CNTN1: variants seen among roughly 807,000 people sequenced by gnomAD.
CNTN1 encodes the protein contactin-1.
A neutral mutation model predicts 126.4 loss-of-function variants in CNTN1; 38 were observed. The observed-to-expected ratio is 0.30, with a 90% CI of 0.23 to 0.39. The LOEUF is 0.39. Ranked by LOEUF, CNTN1 falls within the 10% of genes least tolerant of loss-of-function variation. CNTN1 has a pLI of 1.00. For synonymous variants in CNTN1, 413 were observed against 422.6 expected (o/e 0.98, Z 0.28); for missense variants, 1,009 against 1,248.4 (o/e 0.81, Z 2.89).
intron 1 of CNTN1, among the ~76,000 whole-genome samples, chr12:40,879,000 T>G (rs1170170374): frequency 6.6e-6 from 1 of 152,110 alleles, no homozygotes; most frequent in Non-Finnish European, 1.5e-5. Context: ...AATTATAATA[T>G]TACAAAAATA....
intron 3 of CNTN1, among the ~76,000 whole-genome samples, chr12:40,912,566 T>C (rs952527552): frequency 6.6e-6 from 1 of 152,068 alleles, no homozygotes. Flanking sequence ...GGATATGAAA[T>C]AATATATAAT....
chr12:41,055,149 T>C (rs1364317261), intron 23 of CNTN1, among the ~76,000 whole-genome samples: 3 of 152,140 alleles, frequency 2.0e-5, no homozygotes, highest in African/African-American at 7.2e-5. Flanking sequence ...AATTATTTTT[T>C]TTATTATCTT....
chr12:40,886,221 AG>A (rs1944025098), intron 1 of CNTN1, among the ~76,000 whole-genome samples: 1 of 152,072 alleles, frequency 6.6e-6, no homozygotes, highest in African/African-American at 2.4e-5. Flanking sequence ...GCTCCAAAAC[AG>A]TGCTAAATTC....
chr12:41,025,235 A>C lies in CNTN1; in HGVS notation c.2609A>C (p.Asn870Thr). 1 of 1,614,028 alleles carries C rather than the reference A, an allele frequency of 6.2e-7. No individual in the cohort carries two copies. The highest frequency in any genetic ancestry group is 8.5e-7 in the Non-Finnish European group (1 of 1,179,902). Residue 870 changes from asparagine (N) to threonine (T), a missense_variant, in exon 21 of 24, where the codon AAC (asparagine) becomes ACC (threonine). Physicochemically the swap from Asn to Thr is moderately conservative, Grantham distance 65. Transcript: ENST00000551295. ...CAAGAGTACTCGGCCAGGCTCGAGAACCTTCTGCCAGACACCCAGTATTTT... is the reference window on the plus strand; with the variant it reads ...CAAGAGTACTCGGCCAGGCTCGAGACCCTTCTGCCAGACACCCAGTATTTT... ...TSQEYSARLE[N>T]LLPDTQYFIE...
In CNTN1 at chr12:40,947,778, TATATACACACACACAC is replaced by T. The variant is rs1188356891; in HGVS notation, c.1683+3610_1683+3625del. Among the ~76,000 whole-genome samples, 35 of 65,392 alleles carry T rather than the reference TATATACACACACACAC, an allele frequency of 5.4e-4. 1 individual carries two copies. Among genetic ancestry groups the T allele is most frequent in the South Asian group, 2.1e-3 (5 of 2,392 alleles). 42.9% of individuals were successfully genotyped at this position (65,392 alleles called of 152,430 possible). ...TGTCACTATTTCATATATATATATA[TATATACACACACACAC>T]ACACACACACACACACACACACACA... On this transcript the variant is annotated intron_variant, in intron 14 of 23. Coordinates refer to ENST00000551295, the MANE Select transcript of CNTN1 (RefSeq NM_001843.4).
intron 1 of CNTN1, among the ~76,000 whole-genome samples, chr12:40,829,387 T>A (rs1045154602): frequency 1.3e-5 from 2 of 152,098 alleles, no homozygotes; most frequent in Admixed American, 1.3e-4. Context: ...GTATATCTAC[T>A]TCCTCATGTA....
intron 1 of CNTN1, among the ~76,000 whole-genome samples, chr12:40,798,616 A>G (rs1940533196): frequency 6.6e-6 from 1 of 151,976 alleles, no homozygotes. Flanking sequence ...GGAGGCCGTT[A>G]TCCTTAGCAG....
At chr12:40,977,292 G>A (rs1348741484) in intron 15 of CNTN1, among the ~76,000 whole-genome samples, 1 of 152,140 alleles carries the variant, frequency 6.6e-6, no homozygotes, top group African/African-American at 2.4e-5. Context: ...TTCTCCCGCA[G>A]ATGAAGCCTT....
intron 1 of CNTN1, among the ~76,000 whole-genome samples, chr12:40,889,002 C>T (rs1171650084): frequency 6.6e-6 from 1 of 152,246 alleles, no homozygotes; most frequent in African/African-American, 2.4e-5. Flanking sequence ...CAGGGATGCG[C>T]TCCATGGAGC....
intron 9 of CNTN1, among the ~76,000 whole-genome samples, chr12:40,936,127 T>C (rs1946072743): frequency 6.6e-6 from 1 of 152,096 alleles, no homozygotes; most frequent in Admixed American, 6.6e-5. Flanking sequence ...CTTTGGAAAA[T>C]TTTTAGCATT....
At chr12:40,807,446 C>G (rs368488795) in intron 1 of CNTN1, among the ~76,000 whole-genome samples, 1 of 152,048 alleles carries the variant, frequency 6.6e-6, no homozygotes, top group Non-Finnish European at 1.5e-5. Context: ...ATAAGGAGGG[C>G]GAAAGGTGGC....
At chr12:40,737,972 T>A (rs1310991213) in intron 1 of CNTN1, among the ~76,000 whole-genome samples, 2 of 152,024 alleles carry the variant, frequency 1.3e-5, no homozygotes, top group Non-Finnish European at 2.9e-5. Context: ...TAAGAGATCA[T>A]AAGAGAAAAA....
Position 41,070,084 on chromosome 12 carries a change from C to T in CNTN1, c.*49C>T. ...CCATCCCAGCTCAGAAGACACCCTTCAACCCTGGGATGACCACAATTCCTT... is the reference window on the plus strand; with the variant it reads ...CCATCCCAGCTCAGAAGACACCCTTTAACCCTGGGATGACCACAATTCCTT... On this transcript the variant is annotated 3_prime_UTR_variant, in exon 24 of 24. Transcript: ENST00000551295. 2 of 1,532,594 alleles carry T rather than the reference C, an allele frequency of 1.3e-6. No individual in the cohort carries two copies. The highest frequency in any genetic ancestry group is 1.7e-5 in the Admixed American group (1 of 59,866). 94.9% of individuals were successfully genotyped at this position (1,532,594 alleles called of 1,614,324 possible). A position where few individuals can be genotyped will look rare whatever the true frequency, so the allele number is the denominator to read the frequency against.
At chr12:40,837,560 C>A (rs1430568264) in intron 1 of CNTN1, among the ~76,000 whole-genome samples, 1 of 152,132 alleles carries the variant, frequency 6.6e-6, no homozygotes, top group Non-Finnish European at 1.5e-5. Flanking sequence ...GGTCCCACAC[C>A]CTTTCTGAGA....
intron 16 of CNTN1, among the ~76,000 whole-genome samples, chr12:40,983,378 T>A (rs1345104420): frequency 6.6e-6 from 1 of 152,124 alleles, no homozygotes; most frequent in Admixed American, 6.6e-5. Flanking sequence ...ATTTTACTAT[T>A]TTTGTTCCTC....
intron 3 of CNTN1, among the ~76,000 whole-genome samples, chr12:40,911,117 G>A (rs1287237986): frequency 6.6e-6 from 1 of 152,118 alleles, no homozygotes. Context: ...GTCTCGCTCT[G>A]TCACCCAGGC....
At chr12:40,715,436 T>G (rs1405020904) in intron 1 of CNTN1, among the ~76,000 whole-genome samples, 1 of 152,166 alleles carries the variant, frequency 6.6e-6, no homozygotes, top group Non-Finnish European at 1.5e-5. Context: ...GGATTTTTTT[T>G]GCCTTCATTT....
chr12:40,804,882 T>G (rs2136491076), intron 1 of CNTN1, among the ~76,000 whole-genome samples: 1 of 152,108 alleles, frequency 6.6e-6, no homozygotes, highest in South Asian at 2.1e-4. Flanking sequence ...TGTCTTTATT[T>G]TGCCTGCATT....
intron 17 of CNTN1, among the ~76,000 whole-genome samples, chr12:41,012,410 G>C (rs897528217): frequency 3.3e-5 from 5 of 152,168 alleles, no homozygotes; most frequent in African/African-American, 1.2e-4. Flanking sequence ...GAGAGGATAA[G>C]AGTTATGACA....
Sources: gnomAD v4.1 joint callset for allele counts (sites outside exome capture counted in the v4.1 genomes callset) on GRCh38, gnomAD v4.1.1 for gene constraint, MANE v1.5 for transcripts, NCBI Gene and HGNC (gene_info 2026-07-23, HGNC 2026-07-21) for gene names.